The following DOCK4 variants were observed in gnomAD, a reference collection of about 807,000 sequenced individuals.
DOCK4 encodes dedicator of cytokinesis protein 4.
DOCK4 carries 97 observed loss-of-function variants against 268.1 expected under a neutral mutation model. The observed-to-expected ratio is 0.36, with a 90% CI of 0.31 to 0.43. DOCK4 has a LOEUF of 0.43. DOCK4 is among the 20% of genes least tolerant of loss of function. The pLI is 1.00. For missense variants in DOCK4, 2,145 were observed against 2,455.7 expected, an observed-to-expected ratio of 0.87 and a Z score of 2.67; for synonymous variants, 954 against 887.2, an observed-to-expected ratio of 1.08 and a Z score of -1.34.
At chr7:111,932,584 T>A (rs1412463144) in intron 12 of DOCK4, among the ~76,000 whole-genome samples, 1 of 152,104 alleles carries the variant, frequency 6.6e-6, no homozygotes, top group Non-Finnish European at 1.5e-5. Flanking sequence ...TGAATGAAAT[T>A]TAAATTTCCC....
chr7:111,814,659 A>C (rs113512759), intron 27 of DOCK4, among the ~76,000 whole-genome samples: 2,387 of 152,334 alleles, frequency 0.016, 38 homozygotes, highest in Admixed American at 0.059. Context: ...CGGAGTGGCC[A>C]GAATCAGAAA....
chr7:112,065,388 C>T (rs1291191461), intron 1 of DOCK4, among the ~76,000 whole-genome samples: 3 of 151,980 alleles, frequency 2.0e-5, no homozygotes, highest in South Asian at 4.2e-4. Context: ...ACCACCGTAG[C>T]GAAAGTTATT....
chr7:112,198,252 T>G (rs1012670001), intron 1 of DOCK4, among the ~76,000 whole-genome samples: 5 of 151,928 alleles, frequency 3.3e-5, no homozygotes, highest in Admixed American at 1.3e-4. Context: ...CCCTTCCCCC[T>G]ACCCACGTGA....
intron 1 of DOCK4, among the ~76,000 whole-genome samples, chr7:112,194,446 T>C (rs1407941447): frequency 2.6e-5 from 4 of 152,230 alleles, no homozygotes; most frequent in Non-Finnish European, 4.4e-5. Flanking sequence ...ATCTTCACTG[T>C]GGATACTGGA....
intron 8 of DOCK4, among the ~76,000 whole-genome samples, chr7:111,972,492 A>T (rs1435765317): frequency 6.7e-6 from 1 of 150,316 alleles, no homozygotes; most frequent in Non-Finnish European, 1.5e-5. Context: ...TAAAGGAGGA[A>T]TTTTTTTTTT....
At chr7:112,180,158 A>C (rs1313222640) in intron 1 of DOCK4, among the ~76,000 whole-genome samples, 1 of 152,172 alleles carries the variant, frequency 6.6e-6, no homozygotes, top group East Asian at 1.9e-4. Flanking sequence ...ACAGACCATA[A>C]AAGAGAAATG....
Position 111,821,536 on chromosome 7 carries a change from G to A in DOCK4, c.2930+826C>T, listed in dbSNP as rs144023528. ...ACTGTACTCTCCGGGATCAGCTCCT[G>A]CCATTCCGACTGCCCTAATATCCTT... On this transcript the variant is annotated intron_variant, in intron 27 of 52. Transcript: ENST00000428084. 3.7e-3 allele frequency: 564 copies of A among 152,496 alleles called. 3 individuals are homozygous for A. Among genetic ancestry groups the A allele is most frequent in the Non-Finnish European group, 6.4e-3 (438 of 68,180 alleles). The allele number at this position is 152,496 out of a possible 1,614,324, so 9.4% of individuals were successfully genotyped here.
At chr7:111,765,288 T>C in intron 38 of DOCK4, 66 bp from the exon 39 acceptor site, 1 of 934,262 alleles carries the variant, frequency 1.1e-6, no homozygotes. Context: ...ATTTATAGAA[T>C]AAGATTTCTT....
chr7:112,078,478 C>T (rs1808278328), intron 1 of DOCK4, among the ~76,000 whole-genome samples: 1 of 152,080 alleles, frequency 6.6e-6, no homozygotes. Context: ...AAAGCTACAG[C>T]TACAGGCATG....
chr7:111,755,741 A>C (rs1040942922), intron 41 of DOCK4, 140 bp from the exon 42 acceptor site: 25 of 724,214 alleles, frequency 3.5e-5, no homozygotes, highest in Non-Finnish European at 5.6e-5. Flanking sequence ...AGCACTCATG[A>C]AACTATCACA....
At chr7:111,788,588 G>C (rs140433419) in intron 32 of DOCK4, 74 bp downstream of exon 32, 22 of 1,206,670 alleles carry the variant, frequency 1.8e-5, no homozygotes, top group South Asian at 3.9e-5. Context: ...CTCAGCTACC[G>C]TGGTGCAGAG....
At position 111,915,833 on chromosome 7, in the gene DOCK4, A is replaced by G. The variant is rs1157690469; in HGVS notation, c.1138T>C (p.Ser380Pro). 6.2e-7 allele frequency: 1 copy of G among 1,612,806 alleles called. No individual in the cohort carries two copies. Among genetic ancestry groups the G allele is most frequent in the Admixed American group, 1.7e-5 (1 of 59,926 alleles). Residue 380 changes from serine (S) to proline (P), a missense_variant, in exon 13 of 53, where the codon TCT (serine) becomes CCT (proline). Coordinates refer to ENST00000428084, the MANE Select transcript of DOCK4 (RefSeq NM_001363540.2). ...TTCCTTGTTATGGATACTCCATGAG[A>G]AAATACTGATGAATATTCCCTTCTG... ...QIRREYSSVF[S>P]HGVSITRKLG...
chr7:111,821,738 T>C (rs1801995532), intron 27 of DOCK4: 1 of 152,210 alleles, frequency 6.6e-6, no homozygotes, highest in Non-Finnish European at 1.5e-5. Flanking sequence ...CTATTGGCCA[T>C]ACCACTTGGA....
intron 1 of DOCK4, among the ~76,000 whole-genome samples, chr7:112,010,828 G>A (rs531410098): frequency 8.5e-5 from 13 of 152,320 alleles, no homozygotes; most frequent in African/African-American, 1.4e-4. Flanking sequence ...TGTTTCTGAC[G>A]TATTAAAAGG....
intron 23 of DOCK4, among the ~76,000 whole-genome samples, chr7:111,849,159 C>T (rs1804343902): frequency 6.6e-6 from 1 of 152,056 alleles, no homozygotes; most frequent in Non-Finnish European, 1.5e-5. Context: ...GTGAGTTTTG[C>T]CGAATTCTTT....
chr7:111,988,951 C>G, intron 6 of DOCK4, 64 bp downstream of exon 6: 1 of 1,542,030 alleles, frequency 6.5e-7, no homozygotes, highest in Non-Finnish European at 8.8e-7. Context: ...CGTTCTGGCT[C>G]AGGCCTATGT....
chr7:111,892,308 C>G (rs1808349860), intron 16 of DOCK4, among the ~76,000 whole-genome samples: 1 of 152,168 alleles, frequency 6.6e-6, no homozygotes, highest in Non-Finnish European at 1.5e-5. Flanking sequence ...TCAAGCAATC[C>G]TCCTGCCTCA....
At chr7:111,772,124 G>T (rs1158733509) in intron 36 of DOCK4, among the ~76,000 whole-genome samples, 1 of 152,228 alleles carries the variant, frequency 6.6e-6, no homozygotes, top group African/African-American at 2.4e-5. Flanking sequence ...AGTGTTTAAT[G>T]GGTACAGAGT....
chr7:112,107,917 G>A (rs978316206), intron 1 of DOCK4, among the ~76,000 whole-genome samples: 2 of 152,206 alleles, frequency 1.3e-5, no homozygotes, highest in African/African-American at 2.4e-5. Context: ...ATGTCAGCCT[G>A]AGGAATTTAT....
Sources: allele counts gnomAD v4.1 joint callset (sites outside exome capture counted in the v4.1 genomes callset), GRCh38; gene constraint gnomAD v4.1.1; transcripts MANE v1.5; gene names NCBI Gene and HGNC (gene_info 2026-07-23, HGNC 2026-07-21).